Variants in ADGRL3 observed in about 807,000 individuals in gnomAD.
ADGRL3 encodes the protein adhesion G protein-coupled receptor L3, also known as calcium-independent alpha-latrotoxin receptor 3.
Under a neutral mutation model 153.5 loss-of-function variants are expected in ADGRL3, and 62 were observed. The observed-to-expected ratio is 0.40, with a 90% CI of 0.33 to 0.50. The LOEUF (loss-of-function observed/expected upper bound fraction) is 0.50, where lower values mean the gene tolerates loss of function less well. Ranked by LOEUF, ADGRL3 falls within the 20% of genes least tolerant of loss-of-function variation. The pLI is 0.47. For synonymous variants in ADGRL3, 710 were observed against 672.5 expected, an observed-to-expected ratio of 1.06 and a Z score of -0.86; for missense variants, 1,641 against 1,859.4, an observed-to-expected ratio of 0.88 and a Z score of 2.16.
At chr4:61,516,647 C>T (rs1308009762) in intron 3 of ADGRL3, among the ~76,000 whole-genome samples, 1 of 151,768 alleles carries the variant, frequency 6.6e-6, no homozygotes, top group Non-Finnish European at 1.5e-5. Context: ...GTAATATGTA[C>T]CATTTGTCAG....
At chr4:61,930,430 T>A (rs2098813111) in intron 13 of ADGRL3, among the ~76,000 whole-genome samples, 1 of 152,178 alleles carries the variant, frequency 6.6e-6, no homozygotes, top group African/African-American at 2.4e-5. Context: ...CACAAATACA[T>A]CCTCTTGGAA....
At chr4:61,392,065 T>C (rs2096813316) in intron 2 of ADGRL3, among the ~76,000 whole-genome samples, 1 of 150,446 alleles carries the variant, frequency 6.6e-6, no homozygotes, top group Non-Finnish European at 1.5e-5. Flanking sequence ...GAGATGGGGT[T>C]TTGCCGTGTT....
At chr4:61,639,899 T>C (rs2093590293) in intron 5 of ADGRL3, among the ~76,000 whole-genome samples, 1 of 152,136 alleles carries the variant, frequency 6.6e-6, no homozygotes, top group African/African-American at 2.4e-5. Flanking sequence ...ACAAGTTACA[T>C]GGACAAACAA....
chr4:61,761,622 C>T (rs2096913478), intron 8 of ADGRL3, among the ~76,000 whole-genome samples: 1 of 151,928 alleles, frequency 6.6e-6, no homozygotes, highest in Non-Finnish European at 1.5e-5. Context: ...AGCAAGATCC[C>T]GTCTCTACAC....
At chr4:61,493,135 C>A (rs1397535043) in intron 2 of ADGRL3, among the ~76,000 whole-genome samples, 1 of 152,034 alleles carries the variant, frequency 6.6e-6, no homozygotes, top group East Asian at 1.9e-4. Context: ...TATGAGAAAT[C>A]TATTAGCTAT....
In ADGRL3 at chr4:62,070,889, A is replaced by G. The variant is rs1044386512; in HGVS notation, c.4613A>G (p.His1538Arg). 6 of 1,549,584 alleles carry G rather than the reference A, an allele frequency of 3.9e-6. No homozygotes were observed. The Admixed American group carries it at 1.2e-4, about 31-fold the overall frequency. Reference sequence around the variant, plus strand: ...GAGGGAAGTTCAAAAGGACCGGCTCATTTGGTCACTAGTCTATAGAAGATG... The same window carrying G: ...GAGGGAAGTTCAAAAGGACCGGCTCGTTTGGTCACTAGTCTATAGAAGATG... Reference protein sequence around the residue: ...PPEGSSKGPAHLVTSL With the variant: ...PPEGSSKGPARLVTSL Residue 1538 changes from histidine to arginine, a missense_variant, in exon 27 of 27, where the codon CAT becomes CGT. Physicochemically the swap from His to Arg is conservative, Grantham distance 29. Around this residue, in one of 5 missense-constraint regions of ADGRL3, gnomAD observed 517 missense variants for 555.0 expected, o/e 0.93. Transcript: ENST00000683033.
chr4:61,624,987 T>C (rs1359751001), intron 5 of ADGRL3, among the ~76,000 whole-genome samples: 2 of 152,140 alleles, frequency 1.3e-5, no homozygotes, highest in Non-Finnish European at 2.9e-5. Context: ...GACAATTTTT[T>C]TGCCTTGTAT....
intron 3 of ADGRL3, among the ~76,000 whole-genome samples, chr4:61,515,438 A>G (rs199844790): frequency 6.6e-6 from 1 of 151,890 alleles, no homozygotes; most frequent in Admixed American, 6.6e-5. Context: ...TTTATATGGT[A>G]TTTTTTCTCT....
At position 61,870,994 on chromosome 4, in the gene ADGRL3, G is replaced by A. The variant is rs115203637; in HGVS notation, c.1481-21662G>A. On this transcript the variant is annotated intron_variant, in intron 9 of 26. Coordinates refer to ENST00000683033, the MANE Select transcript of ADGRL3 (RefSeq NM_001387552.1). Reference sequence around the variant, plus strand: ...ATGTCTACATTAAAAAAGTGTATACGGGGGCCGGGCACGGTGGCTCATGCC... The same window carrying A: ...ATGTCTACATTAAAAAAGTGTATACAGGGGCCGGGCACGGTGGCTCATGCC... 8.4e-3 allele frequency among the ~76,000 whole-genome samples: 1,284 copies of A among 152,146 alleles called. 19 individuals are homozygous for A. Among genetic ancestry groups the A allele is most frequent in the African/African-American group, 0.029 (1,224 of 41,504 alleles).
chr4:61,876,273 A>G (rs932925041), intron 9 of ADGRL3, among the ~76,000 whole-genome samples: 2 of 98,448 alleles, frequency 2.0e-5, no homozygotes. Flanking sequence ...TCATAAGTCT[A>G]TTTTATCCAA....
At chr4:61,518,682 T>C (rs990367423) in intron 4 of ADGRL3, among the ~76,000 whole-genome samples, 4 of 152,220 alleles carry the variant, frequency 2.6e-5, no homozygotes, top group Non-Finnish European at 4.4e-5. Flanking sequence ...TCCATTCAGA[T>C]TGGCCTTTCT....
chr4:61,862,311 C>T (rs2098349335), intron 9 of ADGRL3, among the ~76,000 whole-genome samples: 1 of 152,134 alleles, frequency 6.6e-6, no homozygotes, highest in Non-Finnish European at 1.5e-5. Flanking sequence ...AAAATACAGT[C>T]TGCACCCCAG....
At chr4:61,668,786 G>C (rs931123912) in intron 5 of ADGRL3, among the ~76,000 whole-genome samples, 9 of 152,178 alleles carry the variant, frequency 5.9e-5, no homozygotes, top group Admixed American at 5.2e-4. Flanking sequence ...GAGAGGCTGA[G>C]GTGGGAGGAT....
intron 13 of ADGRL3, among the ~76,000 whole-genome samples, chr4:61,925,931 G>A (rs781502422): frequency 2.0e-5 from 3 of 152,080 alleles, no homozygotes; most frequent in East Asian, 1.9e-4. Flanking sequence ...GATACATTCC[G>A]AGAAATGCTT....
At chr4:61,443,405 A>G (rs911707261) in intron 2 of ADGRL3, among the ~76,000 whole-genome samples, 2 of 152,122 alleles carry the variant, frequency 1.3e-5, no homozygotes, top group African/African-American at 4.8e-5. Flanking sequence ...AATGATATTT[A>G]TTATTACTAA....
chr4:61,266,285 T>A (rs944013170), intron 1 of ADGRL3, among the ~76,000 whole-genome samples: 8 of 151,810 alleles, frequency 5.3e-5, no homozygotes, highest in African/African-American at 1.4e-4. Context: ...TAGACAGAGA[T>A]GTTTTCTAGG....
intron 5 of ADGRL3, among the ~76,000 whole-genome samples, chr4:61,633,930 A>T (rs983310269): frequency 1.4e-5 from 2 of 145,772 alleles, no homozygotes; most frequent in Admixed American, 6.9e-5. Flanking sequence ...ACGTTAGAGA[A>T]AGTCAATTGG....
At position 61,958,377 on chromosome 4, in the gene ADGRL3, G is replaced by GTTCC. The variant is rs1553894040; in HGVS notation, c.2805+10103_2805+10104insCCTT. On this transcript the variant is annotated intron_variant, in intron 17 of 26. Transcript: ENST00000683033. ...GTTTATTAATGCTAATGTTGTAAAG[G>GTTCC]TTTCTTTCTTTCTTTCTTTCTTTCT... Among the ~76,000 whole-genome samples the GTTCC allele has an allele frequency of 9.0e-4, 133 of 148,168 alleles. 2 individuals carry two copies. The highest frequency in any genetic ancestry group is 1.3e-3 in the South Asian group (6 of 4,642).
chr4:61,217,754 C>T (rs1319513448), intron 1 of ADGRL3, among the ~76,000 whole-genome samples: 1 of 152,176 alleles, frequency 6.6e-6, no homozygotes, highest in African/African-American at 2.4e-5. Context: ...GAGAGTTTTA[C>T]TCCAGAAGGT....
Sources: allele counts gnomAD v4.1 joint callset (sites outside exome capture counted in the v4.1 genomes callset), GRCh38; gene constraint gnomAD v4.1.1; regional missense constraint gnomAD v4.1.1; transcripts MANE v1.5; gene names NCBI Gene and HGNC (gene_info 2026-07-23, HGNC 2026-07-21).